The following PPARGC1A variants were observed in gnomAD, a reference collection of about 807,000 sequenced individuals.
The protein encoded by PPARGC1A is peroxisome proliferator-activated receptor gamma coactivator 1-alpha.
PPARGC1A carries 25 observed loss-of-function variants against 88.7 expected under a neutral mutation model. That is an observed-to-expected ratio of 0.28 (90% confidence interval 0.21 to 0.39). The LOEUF (loss-of-function observed/expected upper bound fraction) is 0.39, where lower values mean the gene tolerates loss of function less well. PPARGC1A is among the 10% of genes least tolerant of loss of function. The probability of loss-of-function intolerance (pLI) is 1.00; values close to 1 mark genes in which losing one functional copy is unlikely to be tolerated. For missense variants in PPARGC1A, 880 were observed against 968.7 expected (o/e 0.91, Z 1.22); for synonymous variants, 363 against 355.6 (o/e 1.02, Z -0.24).
At chr4:24,302,450 G>A in the PPARGC1A span, among the ~76,000 whole-genome samples, 18 of 152,286 alleles carry the variant, frequency 1.2e-4, no homozygotes, top group African/African-American at 3.4e-4. Context: ...CCCCTGCCCC[G>A]CAGGCCACTG....
At chr4:24,393,013 GCACACACACA>G in the PPARGC1A span, among the ~76,000 whole-genome samples, 48,591 of 145,994 alleles carry the variant, frequency 0.33, 8,913 homozygotes, top group East Asian at 0.43. Context: ...TGCTCCATCA[GCACACACACA>G]CACACACACA....
At chr4:24,086,924 A>G in the PPARGC1A span, among the ~76,000 whole-genome samples, 1 of 152,178 alleles carries the variant, frequency 6.6e-6, no homozygotes, top group Non-Finnish European at 1.5e-5. Context: ...AGATTTAAAA[A>G]CTTTACCAAT....
chr4:23,814,781 C>G (rs1721644617), intron 7 of PPARGC1A, among the ~76,000 whole-genome samples, 176 bp from the exon 8 acceptor site: 1 of 151,984 alleles, frequency 6.6e-6, no homozygotes, highest in African/African-American at 2.4e-5. Context: ...ACTGACTCAT[C>G]CCCTAAGCCT....
At chr4:24,170,876 C>T in the PPARGC1A span, among the ~76,000 whole-genome samples, 2 of 152,170 alleles carry the variant, frequency 1.3e-5, no homozygotes, top group Non-Finnish European at 2.9e-5. Flanking sequence ...GGCGTCATTG[C>T]CTCTGCTGCA....
intron 1 of PPARGC1A, chr4:23,889,465 T>A (rs1485393117): frequency 1.4e-5 from 10 of 737,856 alleles, no homozygotes. Flanking sequence ...AAATCCGGAC[T>A]AGAGTCAAAA....
Position 23,813,701 on chromosome 4 carries a change from T to C in PPARGC1A, c.1782A>G (p.Arg594=). The change falls in exon 8 of 13, where the codon AGA becomes AGG. Residue 594 remains arginine (R), a synonymous_variant. Transcript: ENST00000264867. ...SRSRSRSPGS[R]SSSRSCYYYE... ...TTGCCAAGGTTTACCTTGAAGAGGA[T>C]CTACTGCCTGGAGACCTTGATCTTG... 1 of 1,592,430 alleles carries C rather than the reference T, an allele frequency of 6.3e-7. No individual in the cohort carries two copies. The highest frequency in any genetic ancestry group is 8.6e-7 in the Non-Finnish European group (1 of 1,166,582).
chr4:24,297,488 T>A, the PPARGC1A span, among the ~76,000 whole-genome samples: 1 of 152,146 alleles, frequency 6.6e-6, no homozygotes, highest in Admixed American at 6.5e-5. Flanking sequence ...TGGGGACATA[T>A]AACACTCCAT....
chr4:24,349,567 T>C, the PPARGC1A span, among the ~76,000 whole-genome samples: 1 of 152,092 alleles, frequency 6.6e-6, no homozygotes, highest in Non-Finnish European at 1.5e-5. Flanking sequence ...TCATGCAGGT[T>C]GTCAGGGAAG....
At chr4:23,856,657 G>C (rs1255828547) in intron 2 of PPARGC1A, among the ~76,000 whole-genome samples, 2 of 151,984 alleles carry the variant, frequency 1.3e-5, no homozygotes, top group South Asian at 2.1e-4. Flanking sequence ...ATGTTTCTTG[G>C]GTGCATATCA....
the PPARGC1A span, among the ~76,000 whole-genome samples, chr4:24,357,645 T>C: frequency 6.6e-6 from 1 of 152,194 alleles, no homozygotes; most frequent in Non-Finnish European, 1.5e-5. Context: ...CATCTTGAAT[T>C]GTAGCTCCCA....
chr4:24,330,405 G>A, the PPARGC1A span, among the ~76,000 whole-genome samples: 10 of 152,302 alleles, frequency 6.6e-5, no homozygotes, highest in East Asian at 1.9e-3. Flanking sequence ...ACTCGAGCTG[G>A]TTGCAGGGAG....
At chr4:23,856,193 AAC>A (rs1475828450) in intron 2 of PPARGC1A, among the ~76,000 whole-genome samples, 2 of 152,334 alleles carry the variant, frequency 1.3e-5, no homozygotes, top group Non-Finnish European at 2.9e-5. Context: ...AGAATGTGCC[AAC>A]ACAACCATAA....
At chr4:24,349,931 A>G in the PPARGC1A span, among the ~76,000 whole-genome samples, 1 of 152,166 alleles carries the variant, frequency 6.6e-6, no homozygotes, top group African/African-American at 2.4e-5. Context: ...CTGTGGTGCC[A>G]GGCAGGAATG....
chr4:24,291,284 A>G, the PPARGC1A span, among the ~76,000 whole-genome samples: 381 of 152,306 alleles, frequency 2.5e-3, 3 homozygotes, highest in Middle Eastern at 0.034. Flanking sequence ...GTATCTCTTA[A>G]TGATATAATA....
chr4:24,321,592 A>G, the PPARGC1A span, among the ~76,000 whole-genome samples: 18 of 152,350 alleles, frequency 1.2e-4, no homozygotes, highest in South Asian at 3.7e-3. Context: ...CTTTTCCAGA[A>G]CCCAGAGAGG....
the PPARGC1A span, among the ~76,000 whole-genome samples, chr4:24,015,493 AC>A: frequency 3.9e-5 from 6 of 152,144 alleles, no homozygotes; most frequent in African/African-American, 1.4e-4. Flanking sequence ...TTTTGCAGCA[AC>A]AATGAAGTCC....
chr4:24,420,016 A>C, the PPARGC1A span, among the ~76,000 whole-genome samples: 2 of 152,254 alleles, frequency 1.3e-5, no homozygotes, highest in African/African-American at 4.8e-5. Flanking sequence ...ACCAGTAATG[A>C]GATTCTTCTT....
chr4:24,004,725 G>A, the PPARGC1A span, among the ~76,000 whole-genome samples: 1 of 152,174 alleles, frequency 6.6e-6, no homozygotes, highest in South Asian at 2.1e-4. Context: ...CGAGCCACAC[G>A]TTATGAAAAA....
At chr4:23,967,065 T>C in the PPARGC1A span, among the ~76,000 whole-genome samples, 1 of 152,188 alleles carries the variant, frequency 6.6e-6, no homozygotes, top group African/African-American at 2.4e-5. Flanking sequence ...AGTACTGAGA[T>C]GTAATGCCTT....
Sources: gnomAD v4.1 joint callset for allele counts (sites outside exome capture counted in the v4.1 genomes callset) on GRCh38, gnomAD v4.1.1 for gene constraint, MANE v1.5 for transcripts, NCBI Gene and HGNC (gene_info 2026-07-23, HGNC 2026-07-21) for gene names.